The following MSRA variants were observed in gnomAD, a reference collection of about 807,000 sequenced individuals.
MSRA encodes methionine sulfoxide reductase A.
In MSRA, 54 loss-of-function variants were observed where a neutral mutation model predicts 31.3. The observed-to-expected ratio is 1.73, with a 90% CI of 1.39 to 2.17. The LOEUF is 2.17. MSRA is among the 30% of genes most tolerant of loss of function. The pLI, the probability that MSRA is intolerant of heterozygous loss-of-function variation, is 0.00. For missense variants in MSRA, 507 were observed against 300.9 expected (o/e 1.69, Z -5.07); for synonymous variants, 169 against 116.5 (o/e 1.45, Z -2.90).
chr8:10,135,960 G>A (rs150372664), intron 1 of MSRA, among the ~76,000 whole-genome samples: 15 of 152,300 alleles, frequency 9.8e-5, no homozygotes, highest in East Asian at 3.9e-4. Flanking sequence ...TGGGGGCTGC[G>A]TGTTGCACTG....
intron 5 of MSRA, among the ~76,000 whole-genome samples, chr8:10,323,807 T>C (rs906967794): frequency 2.6e-5 from 4 of 151,806 alleles, no homozygotes; most frequent in Admixed American, 2.0e-4. Flanking sequence ...TCTGCATGTC[T>C]ATGTGTCTGT....
intron 5 of MSRA, among the ~76,000 whole-genome samples, chr8:10,350,043 T>G (rs933032105): frequency 2.6e-5 from 4 of 152,254 alleles, no homozygotes. Context: ...CTCTTCTGAG[T>G]TGAGAGACCT....
intron 1 of MSRA, among the ~76,000 whole-genome samples, chr8:10,071,825 G>A (rs759396093): frequency 5.9e-5 from 9 of 152,104 alleles, no homozygotes; most frequent in South Asian, 2.1e-4. Context: ...TCAGGAATAC[G>A]ATCCAGACAC....
chr8:10,273,025 G>C lies in MSRA; in HGVS notation c.331+27802G>C, dbSNP rs771145068. On this transcript the variant is annotated intron_variant, in intron 3 of 5. Coordinates refer to ENST00000317173, the MANE Select transcript of MSRA (RefSeq NM_012331.5). ...AAGCAATCATGAAGAGTGATGGTTT[G>C]TGAAAAAGTAGACCGTGTAACAGCA... Among the ~76,000 whole-genome samples, 12 of 152,294 alleles carry C rather than the reference G, an allele frequency of 7.9e-5. 1 individual carries two copies. The highest frequency in any genetic ancestry group is 5.2e-4 in the Admixed American group (8 of 15,304).
chr8:10,340,317 G>A (rs748957902), intron 5 of MSRA, among the ~76,000 whole-genome samples: 8 of 152,136 alleles, frequency 5.3e-5, no homozygotes, highest in Admixed American at 1.3e-4. Flanking sequence ...AAAAAAAAAT[G>A]TATATCCGAA....
chr8:10,319,943 C>G lies in MSRA; in HGVS notation c.497C>G (p.Ala166Gly). Residue 166 changes from alanine (A) to glycine (G), a missense_variant, in exon 5 of 6, where the codon GCC becomes GGC. Physicochemically the swap from Ala to Gly is moderately conservative, Grantham distance 60. Transcript: ENST00000317173. ...CGCTCGGCCATCTACCCGACCTCTG[C>G]CAAGCAAATGGAGGCAGCCCTGAGC... ...QYRSAIYPTS[A>G]KQMEAALSSK... The G allele has an allele frequency of 6.2e-7, 1 of 1,602,322 alleles. No homozygotes were observed. Among genetic ancestry groups the G allele is most frequent in the Non-Finnish European group, 8.5e-7 (1 of 1,174,704 alleles).
intron 1 of MSRA, among the ~76,000 whole-genome samples, chr8:10,093,778 G>A (rs1798978535): frequency 6.6e-6 from 1 of 152,182 alleles, no homozygotes; most frequent in African/African-American, 2.4e-5. Context: ...TGGTGGAAAA[G>A]TTCCTTTATT....
chr8:10,217,162 G>C (rs1236582008), intron 2 of MSRA, among the ~76,000 whole-genome samples: 4 of 152,200 alleles, frequency 2.6e-5, no homozygotes, highest in Admixed American at 2.0e-4. Flanking sequence ...GTACACGTTT[G>C]GGGGAATCAC....
At chr8:10,118,696 C>T (rs1298728055) in intron 1 of MSRA, among the ~76,000 whole-genome samples, 3 of 152,176 alleles carry the variant, frequency 2.0e-5, no homozygotes, top group East Asian at 3.9e-4. Flanking sequence ...TTTCTGTTCT[C>T]TCCTCTGAGG....
intron 2 of MSRA, among the ~76,000 whole-genome samples, chr8:10,227,324 C>T (rs1389967510): frequency 1.3e-5 from 2 of 152,070 alleles, no homozygotes; most frequent in Non-Finnish European, 2.9e-5. Context: ...AAGAAACATA[C>T]CAGGGGTTTG....
At chr8:10,119,338 A>G (rs746840952) in intron 1 of MSRA, among the ~76,000 whole-genome samples, 1 of 152,230 alleles carries the variant, frequency 6.6e-6, no homozygotes, top group Non-Finnish European at 1.5e-5. Flanking sequence ...AGAACGCTGT[A>G]GGATCCTGCT....
intron 4 of MSRA, among the ~76,000 whole-genome samples, chr8:10,312,019 G>A (rs956967252): frequency 2.6e-5 from 4 of 152,146 alleles, no homozygotes; most frequent in South Asian, 2.1e-4. Context: ...TGTTAAAATC[G>A]ATAGGGCATA....
intron 5 of MSRA, among the ~76,000 whole-genome samples, chr8:10,349,610 C>G (rs924565347): frequency 6.6e-6 from 1 of 152,226 alleles, no homozygotes; most frequent in Admixed American, 6.5e-5. Context: ...TGGCTCATGC[C>G]TCAATGATGA....
chr8:10,183,571 G>C (rs1008822161), intron 1 of MSRA, among the ~76,000 whole-genome samples: 1 of 152,164 alleles, frequency 6.6e-6, no homozygotes, highest in Non-Finnish European at 1.5e-5. Flanking sequence ...AAATATAGAA[G>C]TTCAGATTGT....
At chr8:10,342,694 A>G (rs565163632) in intron 5 of MSRA, among the ~76,000 whole-genome samples, 1 of 152,188 alleles carries the variant, frequency 6.6e-6, no homozygotes, top group Non-Finnish European at 1.5e-5. Context: ...CTTACAGACG[A>G]GGAACCTGAG....
chr8:10,404,845 C>T (rs905898868), intron 5 of MSRA, among the ~76,000 whole-genome samples: 2 of 152,278 alleles, frequency 1.3e-5, no homozygotes, highest in Non-Finnish European at 2.9e-5. Flanking sequence ...GCGTGTCCCA[C>T]TTCCCAAGCA....
rs142526065 is a variant in MSRA, at chr8:10,062,410, T to A, written c.142+7752T>A. On this transcript the variant is annotated intron_variant, in intron 1 of 5. Transcript: ENST00000317173. The stretch of plus-strand genomic sequence containing the variant: ...TCTTCCTCACATCATAAACTCCAAG[T>A]TTGAGAGCATCACAATATTCATCGA... Among the ~76,000 whole-genome samples, 187 of 152,330 alleles carry A rather than the reference T, an allele frequency of 1.2e-3. 1 individual carries two copies. The highest frequency in any genetic ancestry group is 4.1e-3 in the African/African-American group (170 of 41,574).
At chr8:10,210,444 C>A (rs1034358160) in intron 2 of MSRA, among the ~76,000 whole-genome samples, 1 of 152,202 alleles carries the variant, frequency 6.6e-6, no homozygotes, top group Non-Finnish European at 1.5e-5. Flanking sequence ...TGCAGCCAGG[C>A]CCATTTAGCA....
In MSRA at chr8:10,173,717, A is replaced by G. The variant is rs1303912625; in HGVS notation, c.143-34116A>G. On this transcript the variant is annotated intron_variant, in intron 1 of 5. Transcript: ENST00000317173. ...TCCAAATCCTGCCTTGATTAACTCA[A>G]TCTGCAGCCCCTTCTTTGTCACTGT... Among the ~76,000 whole-genome samples the G allele has an allele frequency of 3.3e-5, 5 of 152,178 alleles. No homozygotes were observed. In the East Asian group the frequency reaches 7.7e-4, roughly 24 times the overall value.
Sources: allele counts gnomAD v4.1 joint callset (sites outside exome capture counted in the v4.1 genomes callset), GRCh38; gene constraint gnomAD v4.1.1; transcripts MANE v1.5; gene names NCBI Gene and HGNC (gene_info 2026-07-23, HGNC 2026-07-21).